MAX: variants seen among roughly 807,000 people sequenced by gnomAD.
The protein encoded by MAX is protein max.
Under a neutral mutation model 22.3 loss-of-function variants are expected in MAX, and 3 were observed. The ratio of observed to expected loss-of-function variants is 0.13; its 90% confidence interval spans 0.06 to 0.35. The LOEUF is 0.35. MAX is among the 10% of genes least tolerant of loss of function. MAX has a pLI of 1.00. For missense variants in MAX, 119 were observed against 209.4 expected (o/e 0.57, Z 2.66); for synonymous variants, 72 against 77.7 (o/e 0.93, Z 0.39).
chr14:65,025,886 C>T (rs749038574), intron 3 of MAX, among the ~76,000 whole-genome samples: 23 of 152,174 alleles, frequency 1.5e-4, no homozygotes, highest in Non-Finnish European at 2.9e-4. Flanking sequence ...GTGTTTTCTA[C>T]AGTAAAATTG....
intron 3 of MAX, chr14:65,040,885 A>G: frequency 6.2e-7 from 1 of 1,614,012 alleles, no homozygotes; most frequent in Non-Finnish European, 8.5e-7. Context: ...GTAATCCTCA[A>G]GAGGGAACGT....
At position 65,010,000 on chromosome 14, in the gene MAX, T is replaced by A. The variant is rs972691426; in HGVS notation, c.172-3716A>T. Among the ~76,000 whole-genome samples, 1 of 152,160 alleles carries A rather than the reference T, an allele frequency of 6.6e-6. No individual in the cohort carries two copies. The highest frequency in any genetic ancestry group is 2.4e-5 in the African/African-American group (1 of 41,436). On this transcript the variant is annotated intron_variant, in intron 3 of 3. Coordinates refer to the MAX transcript ENST00000341653. The surrounding 1 kb of genome is among the most constrained non-coding windows in gnomAD (Gnocchi z 4.2). ...GGTGCTCCCTGCGTCCTGAGTGGAC[T>A]TTCCTGAAAGAGAAACTGAGTCTGG...
In MAX at chr14:65,012,216, C is replaced by T. The variant is rs1039487936; in HGVS notation, c.172-5932G>A. ...CAGTCAGTGATTGCAGGGGGACGTC[C>T]TGAAGCTGAGTGTTTACCCGTGTGT... On this transcript the variant is annotated intron_variant, in intron 3 of 3. Transcript: ENST00000341653. This position sits in a 1 kb window ranked among gnomAD's most constrained non-coding sequence, Gnocchi z 5.0. 1.8e-5 allele frequency: 27 copies of T among 1,471,198 alleles called. No homozygotes were observed. In the African/African-American group the frequency reaches 2.6e-4, roughly 14 times the overall value. 91.1% of individuals were successfully genotyped at this position (1,471,198 alleles called of 1,614,324 possible).
chr14:65,076,787 G>A lies in MAX; in HGVS notation c.296-124C>T. On this transcript the variant is annotated intron_variant, in intron 4 of 4. Transcript: ENST00000358664. This position sits in a 1 kb window ranked among gnomAD's most constrained non-coding sequence, Gnocchi z 6.6. ...CTTGTTGGCCCCCGAGGCTCAAGAT[G>A]CTCAGAAGTAGCTCCCTTCGGGTGG... The A allele has an allele frequency of 2.7e-6, 3 of 1,103,238 alleles. No individual in the cohort carries two copies. The highest frequency in any genetic ancestry group is 4.1e-6 in the Non-Finnish European group (3 of 725,550). 68.3% of individuals were successfully genotyped at this position (1,103,238 alleles called of 1,614,324 possible). A position where few individuals can be genotyped will look rare whatever the true frequency, so the allele number is the denominator to read the frequency against.
chr14:65,058,972 A>G (rs1382984649), intron 3 of MAX, among the ~76,000 whole-genome samples: 1 of 152,144 alleles, frequency 6.6e-6, no homozygotes, highest in Non-Finnish European at 1.5e-5. Context: ...GGATAATATC[A>G]TAGCCTCATA....
chr14:65,077,867 G>C lies in MAX; in HGVS notation c.295+46C>G. ...GGCCCAGGTGCCAAAGCCTGACCTG[G>C]CTGGAGCACAGCAGGGCCAGCTGCC... On this transcript the variant is annotated intron_variant, in intron 4 of 4. Transcript: ENST00000358664. This position sits in a 1 kb window ranked among gnomAD's most constrained non-coding sequence, Gnocchi z 6.3. The C allele has an allele frequency of 6.2e-7, 1 of 1,614,186 alleles. No individual in the cohort carries two copies. Among genetic ancestry groups the C allele is most frequent in the Non-Finnish European group, 8.5e-7 (1 of 1,180,028 alleles).
chr14:65,102,613 C>G, upstream of MAX: 1 of 1,322,470 alleles, frequency 7.6e-7, no homozygotes, highest in South Asian at 2.0e-5. Context: ...TAGTTCTTGT[C>G]CCTCTAACAG....
Position 65,062,674 on chromosome 14 carries a change from T to C in MAX, c.171+31034A>G, listed in dbSNP as rs1478765410. On this transcript the variant is annotated intron_variant, in intron 3 of 3. Transcript: ENST00000341653. The surrounding 1 kb of genome is among the most constrained non-coding windows in gnomAD (Gnocchi z 4.3). Reference sequence around the variant, plus strand: ...TCTATGATGTCTCTTATTTGTGATCTGTACCAAGAAAATGCCCAATGGTAG... The same window carrying C: ...TCTATGATGTCTCTTATTTGTGATCCGTACCAAGAAAATGCCCAATGGTAG... The C allele has an allele frequency of 6.5e-6, 1 of 152,678 alleles. No individual in the cohort carries two copies. The highest frequency in any genetic ancestry group is 2.4e-5 in the African/African-American group (1 of 41,468). The allele number at this position is 152,678 out of a possible 1,614,324, so 9.5% of individuals were successfully genotyped here.
At chr14:65,018,731 A>C (rs1159390875) in intron 3 of MAX, among the ~76,000 whole-genome samples, 1 of 150,310 alleles carries the variant, frequency 6.7e-6, no homozygotes, top group Non-Finnish European at 1.5e-5. Context: ...AATTGCTTGA[A>C]TCTGGGAGGT....
At chr14:65,080,791 A>T (rs2063180654) in intron 3 of MAX, among the ~76,000 whole-genome samples, 1 of 152,218 alleles carries the variant, frequency 6.6e-6, no homozygotes, top group Non-Finnish European at 1.5e-5. Context: ...AAGGGAAAAA[A>T]TGCACAATCT....
Position 65,023,919 on chromosome 14 carries a change from A to C in MAX, c.172-17635T>G, listed in dbSNP as rs1262664706. On this transcript the variant is annotated intron_variant, in intron 3 of 3. Coordinates refer to the MAX transcript ENST00000341653. This position sits in a 1 kb window ranked among gnomAD's most constrained non-coding sequence, Gnocchi z 4.1. ...AGTTCGAGACCAGCCTGGGCAACAC[A>C]GTGAAACCCTGACTCTACTAAAAAA... is the stretch of plus-strand genomic sequence containing the variant. 6.6e-6 allele frequency among the ~76,000 whole-genome samples: 1 copy of C among 152,080 alleles called. No homozygotes were observed. Among genetic ancestry groups the C allele is most frequent in the Non-Finnish European group, 1.5e-5 (1 of 68,010 alleles).
intron 3 of MAX, chr14:65,053,206 C>G (rs377408308): frequency 7.5e-7 from 1 of 1,341,860 alleles, no homozygotes; most frequent in South Asian, 2.2e-5. Flanking sequence ...CTGGATCTGC[C>G]GGGCCCTTAC....
intron 3 of MAX, among the ~76,000 whole-genome samples, chr14:65,015,882 T>C (rs1040315459): frequency 1.3e-5 from 2 of 152,238 alleles, no homozygotes; most frequent in African/African-American, 4.8e-5. Flanking sequence ...TCCTCCACTT[T>C]AGAAAACTAA....
At position 65,102,183 on chromosome 14, in the gene MAX, C is replaced by G. The variant is rs1158547124; in HGVS notation, c.36+121G>C. The G allele has an allele frequency of 2.6e-6, 4 of 1,542,694 alleles. No homozygotes were observed. The East Asian group carries it at 7.3e-5, about 28-fold the overall frequency. ...AACGCGACGGAGGCACTCCTGGCCCCGAGGGGAAGGGGAAGGAGGCGGCGG... is the reference window on the plus strand; with the variant it reads ...AACGCGACGGAGGCACTCCTGGCCCGGAGGGGAAGGGGAAGGAGGCGGCGG... On this transcript the variant is annotated intron_variant, in intron 1 of 4. Transcript: ENST00000358664.
At chr14:65,083,981 C>A in intron 3 of MAX, 1 of 1,443,182 alleles carries the variant, frequency 6.9e-7, no homozygotes, top group South Asian at 1.4e-5. Context: ...CCCATCAATG[C>A]CAGCAAAGGA....
intron 3 of MAX, among the ~76,000 whole-genome samples, chr14:65,066,918 G>A (rs1328773106): frequency 6.7e-6 from 1 of 149,772 alleles, no homozygotes; most frequent in Non-Finnish European, 1.5e-5. Flanking sequence ...GCTCATGACT[G>A]TAATCCCAAC....
intron 3 of MAX, among the ~76,000 whole-genome samples, chr14:65,033,582 G>T (rs2062128055): frequency 1.3e-5 from 2 of 152,170 alleles, no homozygotes; most frequent in Non-Finnish European, 2.9e-5. Flanking sequence ...AGCAGGCCAG[G>T]TGCGGTGGCT....
rs545967055 is a variant in MAX at position 65,076,183 on chromosome 14, G to A, written c.*293C>T. The A allele has an allele frequency of 2.1e-5, 29 of 1,397,944 alleles. No individual in the cohort carries two copies. In the East Asian group the frequency reaches 4.0e-4, roughly 19 times the overall value. 86.6% of individuals were successfully genotyped at this position (1,397,944 alleles called of 1,614,324 possible). A position where few individuals can be genotyped will look rare whatever the true frequency, so the allele number is the denominator to read the frequency against. ...TATGTGCTCAGAGGTCCGGCCGGCC[G>A]TCTGTCCTCCACAGAAAAAGCTGCC... On this transcript the variant is annotated 3_prime_UTR_variant, in exon 5 of 5. Transcript: ENST00000358664. The surrounding 1 kb of genome is among the most constrained non-coding windows in gnomAD (Gnocchi z 6.6).
downstream of MAX, among the ~76,000 whole-genome samples, chr14:65,074,215 G>A (rs1028983563): frequency 2.0e-5 from 3 of 152,206 alleles, no homozygotes; most frequent in Admixed American, 2.0e-4. Flanking sequence ...TGTTAACCTT[G>A]AGGGCTTTAG....
Sources: gnomAD v4.1 joint callset for allele counts (sites outside exome capture counted in the v4.1 genomes callset) on GRCh38, gnomAD v4.1.1 for gene constraint, Gnocchi (gnomAD v3.1) non-coding constraint, MANE v1.5 for transcripts, NCBI Gene and HGNC (gene_info 2026-07-23, HGNC 2026-07-21) for gene names.